RFTN1: variants seen among roughly 807,000 people sequenced by gnomAD.
RFTN1 encodes raftlin, lipid raft linker 1.
RFTN1 carries 26 observed loss-of-function variants against 46.5 expected under a neutral mutation model. The ratio of observed to expected loss-of-function variants is 0.56; its 90% confidence interval spans 0.41 to 0.78. RFTN1 has a LOEUF of 0.78. Among genes scored for constraint, RFTN1 ranks in the 30% least tolerant of loss-of-function variants. RFTN1 has a pLI of 0.00. For synonymous variants in RFTN1, 261 were observed against 284.2 expected, an observed-to-expected ratio of 0.92 and a Z score of 0.82; for missense variants, 693 against 718.7, an observed-to-expected ratio of 0.96 and a Z score of 0.41.
At chr3:16,324,858 T>C (rs1226518011) in intron 8 of RFTN1, among the ~76,000 whole-genome samples, 5 of 152,126 alleles carry the variant, frequency 3.3e-5, no homozygotes, top group South Asian at 2.1e-4. Flanking sequence ...GTTTGCTGGA[T>C]CATGTGCTAA....
At chr3:16,377,326 G>A (rs914746961) in intron 5 of RFTN1, among the ~76,000 whole-genome samples, 8 of 152,102 alleles carry the variant, frequency 5.3e-5, no homozygotes, top group African/African-American at 1.9e-4. Context: ...AAAATGTCTT[G>A]CTTTAGGCAA....
chr3:16,478,134 T>C (rs948702155), intron 2 of RFTN1, among the ~76,000 whole-genome samples: 1 of 152,178 alleles, frequency 6.6e-6, no homozygotes, highest in African/African-American at 2.4e-5. Context: ...TGCCCCTTCC[T>C]CTGGAAAATT....
chr3:16,503,733 T>C (rs2076752401), intron 1 of RFTN1, among the ~76,000 whole-genome samples: 1 of 152,118 alleles, frequency 6.6e-6, no homozygotes, highest in Admixed American at 6.5e-5. Flanking sequence ...CCCTTCCCAG[T>C]CTCCTCTGCC....
In RFTN1 at chr3:16,460,151, T is replaced by C. The variant is rs2075982747; in HGVS notation, c.146-26114A>G. ...TATGCATGGTGGAAGGAGTAAACTGTGTAGATTATTCTGGCCCTGCAAAAC... is the reference window on the plus strand; with the variant it reads ...TATGCATGGTGGAAGGAGTAAACTGCGTAGATTATTCTGGCCCTGCAAAAC... On this transcript the variant is annotated intron_variant, in intron 2 of 9. Transcript: ENST00000334133. This position sits in a 1 kb window ranked among gnomAD's most constrained non-coding sequence, Gnocchi z 4.8. 6.6e-6 allele frequency among the ~76,000 whole-genome samples: 1 copy of C among 152,206 alleles called. No homozygotes were observed. The highest frequency in any genetic ancestry group is 2.1e-4 in the South Asian group (1 of 4,830).
chr3:16,439,699 A>T lies in RFTN1; in HGVS notation c.146-5662T>A, dbSNP rs961975638. ...GTGTGGGTGGCTGGAGTGAGGAAGG[A>T]GAGGCTGGAAGATACCCACTGCCAG... On this transcript the variant is annotated intron_variant, in intron 2 of 9. Transcript: ENST00000334133. Among the ~76,000 whole-genome samples, 5 of 152,262 alleles carry T rather than the reference A, an allele frequency of 3.3e-5. No individual in the cohort carries two copies. The South Asian group carries it at 1.0e-3, about 32-fold the overall frequency.
At chr3:16,490,373 G>A (rs1400897069) in intron 2 of RFTN1, among the ~76,000 whole-genome samples, 2 of 152,156 alleles carry the variant, frequency 1.3e-5, no homozygotes, top group Admixed American at 1.3e-4. Context: ...AGAGCTGCCT[G>A]CACTGAATCA....
Position 16,337,560 on chromosome 3 carries a change from G to A in RFTN1, c.1147-10684C>T, listed in dbSNP as rs1000732766. ...AGATCGAGACCACCCTGGCCAACAT[G>A]GTGAAACCTCGTCTCTACTAAAAAT... On this transcript the variant is annotated intron_variant, in intron 7 of 9. Transcript: ENST00000334133. This position sits in a 1 kb window ranked among gnomAD's most constrained non-coding sequence, Gnocchi z 5.0. Among the ~76,000 whole-genome samples the A allele has an allele frequency of 1.3e-5, 2 of 151,834 alleles. No individual in the cohort carries two copies. The highest frequency in any genetic ancestry group is 4.8e-5 in the African/African-American group (2 of 41,322).
intron 6 of RFTN1, among the ~76,000 whole-genome samples, chr3:16,365,354 C>T (rs756126819): frequency 6.6e-6 from 1 of 152,110 alleles, no homozygotes; most frequent in Non-Finnish European, 1.5e-5. Flanking sequence ...CTTCTGAATA[C>T]AGCACTGTGA....
intron 2 of RFTN1, among the ~76,000 whole-genome samples, chr3:16,445,193 A>T (rs763483976): frequency 6.6e-6 from 1 of 152,204 alleles, no homozygotes; most frequent in Non-Finnish European, 1.5e-5. Flanking sequence ...ATATAAGAAA[A>T]ATAATGCATC....
chr3:16,404,610 A>T (rs1400660456), intron 4 of RFTN1, among the ~76,000 whole-genome samples: 1 of 151,110 alleles, frequency 6.6e-6, no homozygotes, highest in African/African-American at 2.4e-5. Context: ...CACTCAAGTC[A>T]AACAGGACTT....
intron 8 of RFTN1, among the ~76,000 whole-genome samples, chr3:16,324,306 C>A (rs1194347451): frequency 1.3e-5 from 2 of 152,148 alleles, no homozygotes; most frequent in Non-Finnish European, 1.5e-5. Context: ...AAAAGCTACT[C>A]TTTTAGGAAC....
intron 8 of RFTN1, among the ~76,000 whole-genome samples, chr3:16,325,330 G>C (rs548139580): frequency 6.6e-6 from 1 of 152,192 alleles, no homozygotes; most frequent in Non-Finnish European, 1.5e-5. Flanking sequence ...CCATTCCACC[G>C]TAAGTGGTCA....
At position 16,445,432 on chromosome 3, in the gene RFTN1, T is replaced by C. The variant is rs182888775; in HGVS notation, c.146-11395A>G. On this transcript the variant is annotated intron_variant, in intron 2 of 9. Transcript: ENST00000334133. ...TTTCTCTTTCCCCCCACTCTGTCTCTCTCTCTGTCTGTTGCCATTTTTTCT... is the reference window on the plus strand; with the variant it reads ...TTTCTCTTTCCCCCCACTCTGTCTCCCTCTCTGTCTGTTGCCATTTTTTCT... Among the ~76,000 whole-genome samples, 16 of 152,002 alleles carry C rather than the reference T, an allele frequency of 1.1e-4. No individual in the cohort carries two copies. In the East Asian group the frequency reaches 2.7e-3, roughly 26 times the overall value.
rs1174253565 is a variant in RFTN1, at chr3:16,383,001, ACTATTAACATT to A, written c.442-4910_442-4900del. On this transcript the variant is annotated intron_variant, in intron 4 of 9. Transcript: ENST00000334133. The surrounding 1 kb of genome is among the most constrained non-coding windows in gnomAD (Gnocchi z 4.0). The stretch of plus-strand genomic sequence containing the variant: ...ACAACAGCGATTACAGGAAACAGCA[ACTATTAACATT>A]GCACAGCTCTTCTACAAAGAACTTT... Among the ~76,000 whole-genome samples the A allele has an allele frequency of 1.3e-5, 2 of 152,352 alleles. No homozygotes were observed. The highest frequency in any genetic ancestry group is 3.9e-4 in the East Asian group (2 of 5,192).
chr3:16,461,042 T>A (rs1216317899), intron 2 of RFTN1, among the ~76,000 whole-genome samples: 1 of 152,236 alleles, frequency 6.6e-6, no homozygotes, highest in Non-Finnish European at 1.5e-5. Context: ...ACAGCTGCCA[T>A]GACAATATGG....
chr3:16,324,649 T>TGTGG (rs2069505344), intron 8 of RFTN1, among the ~76,000 whole-genome samples: 1 of 38,476 alleles, frequency 2.6e-5, no homozygotes, highest in Non-Finnish European at 5.8e-5. Context: ...TATTCCATTG[T>TGTGG]GTGTGTGTGT....
At chr3:16,488,520 A>C (rs943364952) in intron 2 of RFTN1, among the ~76,000 whole-genome samples, 2 of 152,212 alleles carry the variant, frequency 1.3e-5, no homozygotes, top group African/African-American at 4.8e-5. Flanking sequence ...TCTCCATGAA[A>C]AATAAGTGTA....
intron 2 of RFTN1, among the ~76,000 whole-genome samples, chr3:16,436,379 CAA>C (rs2075516476): frequency 6.9e-6 from 1 of 145,774 alleles, no homozygotes; most frequent in Non-Finnish European, 1.5e-5. Flanking sequence ...TTTTTTAAGA[CAA>C]AGTCTCTCTC....
intron 4 of RFTN1, among the ~76,000 whole-genome samples, chr3:16,409,121 TC>T (rs1394898700): frequency 6.6e-6 from 1 of 152,200 alleles, no homozygotes; most frequent in Non-Finnish European, 1.5e-5. Context: ...TGCAGGTCTG[TC>T]AGCTGTTAAC....
Sources: gnomAD v4.1 joint callset for allele counts (sites outside exome capture counted in the v4.1 genomes callset) on GRCh38, gnomAD v4.1.1 for gene constraint, Gnocchi (gnomAD v3.1) non-coding constraint, MANE v1.5 for transcripts, NCBI Gene and HGNC (gene_info 2026-07-23, HGNC 2026-07-21) for gene names.